The following PCDHGA6 variants were observed in gnomAD, a reference collection of about 807,000 sequenced individuals.
PCDHGA6 encodes the protein protocadherin gamma subfamily A, 6.
PCDHGA6 carries 41 observed loss-of-function variants against 60.6 expected under a neutral mutation model. That is an observed-to-expected ratio of 0.68 (90% CI 0.53 to 0.88). The LOEUF is 0.88. PCDHGA6 is among the 40% of genes least tolerant of loss of function. The pLI is 0.00. For missense variants in PCDHGA6, 1,312 were observed against 1,203.0 expected (o/e 1.09, Z -1.34); for synonymous variants, 594 against 524.4 (o/e 1.13, Z -1.81).
rs746311453 is a variant in PCDHGA6 at position 141,428,229 on chromosome 5, C to T, written c.2424+51722C>T. On this transcript the variant is annotated intron_variant, in intron 1 of 3. Coordinates refer to ENST00000517434, the MANE Select transcript of PCDHGA6 (RefSeq NM_018919.3). ...CGCTTCACCTAGTCTTCGCAGACAGCCTGCAGGAGGCACTGCCAGACTTCA... is the reference window on the plus strand; with the variant it reads ...CGCTTCACCTAGTCTTCGCAGACAGTCTGCAGGAGGCACTGCCAGACTTCA... 3 of 1,098,554 alleles carry T rather than the reference C, an allele frequency of 2.7e-6. No homozygotes were observed. In the South Asian group the frequency reaches 3.9e-5, roughly 14 times the overall value. The allele number at this position is 1,098,554 out of a possible 1,614,324, so 68.1% of individuals were successfully genotyped here.
Position 141,438,239 on chromosome 5 carries a change from A to C in PCDHGA6, c.2425-56568A>C, listed in dbSNP as rs550172792. Among the ~76,000 whole-genome samples, 9 of 152,298 alleles carry C rather than the reference A, an allele frequency of 5.9e-5. No homozygotes were observed. In the East Asian group the frequency reaches 1.7e-3, roughly 29 times the overall value. On this transcript the variant is annotated intron_variant, in intron 1 of 3. Transcript: ENST00000517434. ...GCTCTGGTTCAGGAAAATGTTTTTA[A>C]AAAACTGTCATTGAAGAGACCATAG...
intron 1 of PCDHGA6, chr5:141,417,931 G>T (rs551432799): frequency 6.8e-6 from 11 of 1,611,382 alleles, no homozygotes; most frequent in Middle Eastern, 1.6e-4. Flanking sequence ...TGCTGCCTTT[G>T]TTCTACCCCA....
In PCDHGA6 at chr5:141,486,866, G is replaced by A; in HGVS notation, c.2425-7941G>A. Reference sequence around the variant, plus strand: ...GGACCTCAATGACAATGCTCCAGCTGTGCTCCGTCCTCGGGCCCGGCCTGG... The same window carrying A: ...GGACCTCAATGACAATGCTCCAGCTATGCTCCGTCCTCGGGCCCGGCCTGG... On this transcript the variant is annotated intron_variant, in intron 1 of 3. Transcript: ENST00000517434. The surrounding 1 kb of genome is among the most constrained non-coding windows in gnomAD (Gnocchi z 5.0). 6.2e-7 allele frequency: 1 copy of A among 1,614,202 alleles called. No homozygotes were observed. The highest frequency in any genetic ancestry group is 8.5e-7 in the Non-Finnish European group (1 of 1,180,038).
At chr5:141,399,732 G>C (rs1270192367) in intron 1 of PCDHGA6, 27 of 1,613,174 alleles carry the variant, frequency 1.7e-5, no homozygotes, top group Non-Finnish European at 2.0e-5. Context: ...ACCAGGGCTC[G>C]CCTGCGCTCA....
chr5:141,388,712 G>A, intron 1 of PCDHGA6: 1 of 1,613,986 alleles, frequency 6.2e-7, no homozygotes. Flanking sequence ...TCAATGCCGA[G>A]ATTACTTTCT....
chr5:141,375,812 C>G lies in PCDHGA6; in HGVS notation c.1729C>G (p.Leu577Val). The part of the protein sequence containing the change: ...LPTDGSTGVE[L>V]APRSAEPGYL... Reference sequence around the variant, plus strand: ...CACAGACGGTTCCACTGGCGTGGAGCTGGCGCCCCGCTCCGCAGAGCCCGG... The same window carrying G: ...CACAGACGGTTCCACTGGCGTGGAGGTGGCGCCCCGCTCCGCAGAGCCCGG... Residue 577 changes from leucine to valine, a missense_variant, in exon 1 of 4, where the codon CTG (leucine) becomes GTG (valine). Transcript: ENST00000517434. 1 of 1,614,208 alleles carries G rather than the reference C, an allele frequency of 6.2e-7. No homozygotes were observed. The highest frequency in any genetic ancestry group is 8.5e-7 in the Non-Finnish European group (1 of 1,180,046).
chr5:141,422,908 C>G, intron 1 of PCDHGA6: 1 of 1,614,244 alleles, frequency 6.2e-7, no homozygotes, highest in Non-Finnish European at 8.5e-7. Flanking sequence ...CGACAATGCG[C>G]CCGAGATCCT....
intron 2 of PCDHGA6, among the ~76,000 whole-genome samples, chr5:141,498,573 A>G (rs7725519): frequency 0.52 from 78,890 of 151,684 alleles, 21,175 homozygotes; most frequent in African/African-American, 0.65. Flanking sequence ...CAGGGCTAGT[A>G]TTGAGTTCTT....
intron 1 of PCDHGA6, among the ~76,000 whole-genome samples, chr5:141,473,759 C>G (rs989399714): frequency 3.3e-5 from 5 of 152,158 alleles, no homozygotes; most frequent in African/African-American, 1.2e-4. Flanking sequence ...GGATACTATG[C>G]AAAGGATTTG....
chr5:141,416,441 T>C (rs2096024396), intron 1 of PCDHGA6: 1 of 152,162 alleles, frequency 6.6e-6, no homozygotes, highest in Non-Finnish European at 1.5e-5. Flanking sequence ...TGAAAGTAAA[T>C]ATGGGTTGGG....
intron 2 of PCDHGA6, among the ~76,000 whole-genome samples, chr5:141,502,107 C>T (rs1292131951): frequency 6.6e-6 from 1 of 152,192 alleles, no homozygotes; most frequent in East Asian, 1.9e-4. Context: ...TGACCCTGCA[C>T]CCTCAGCCAG....
intron 1 of PCDHGA6, chr5:141,409,594 C>A: frequency 1.2e-6 from 2 of 1,613,900 alleles, no homozygotes; most frequent in Non-Finnish European, 1.7e-6. Flanking sequence ...TGGCCGAGAA[C>A]AACCCGCCAG....
chr5:141,432,196 C>G lies in PCDHGA6; in HGVS notation c.2424+55689C>G, dbSNP rs200790843. ...TCGTCTCTGTGACCGCCCACGACCC[C>G]GACTGTGAAGAGAACGCCCAGATCA... On this transcript the variant is annotated intron_variant, in intron 1 of 3. Transcript: ENST00000517434. The surrounding 1 kb of genome is among the most constrained non-coding windows in gnomAD (Gnocchi z 6.0). The G allele has an allele frequency of 6.2e-7, 1 of 1,614,192 alleles. No individual in the cohort carries two copies. Among genetic ancestry groups the G allele is most frequent in the East Asian group, 2.2e-5 (1 of 44,880 alleles).
intron 1 of PCDHGA6, among the ~76,000 whole-genome samples, chr5:141,433,641 G>A (rs1177387884): frequency 6.6e-6 from 1 of 152,104 alleles, no homozygotes; most frequent in Non-Finnish European, 1.5e-5. Flanking sequence ...TTTGAGACCA[G>A]CCTGACCAAC....
chr5:141,408,380 G>T, intron 1 of PCDHGA6: 1 of 1,614,028 alleles, frequency 6.2e-7, no homozygotes, highest in East Asian at 2.2e-5. Context: ...CAGTGTCCTG[G>T]ATGTGTCGGC....
rs561908431 is a variant in PCDHGA6, at chr5:141,510,639, TATC to T, written c.2573-304_2573-302del. Among the ~76,000 whole-genome samples the T allele has an allele frequency of 8.5e-3, 1,289 of 152,298 alleles. 6 individuals carry two copies. Among genetic ancestry groups the T allele is most frequent in the Middle Eastern group, 0.058 (17 of 294 alleles). On this transcript the variant is annotated intron_variant, in intron 3 of 3. Transcript: ENST00000517434. ...TAAAACCAGAAGAGGTGGTTACCAT[TATC>T]ATCCCCATTTTGCAGATGAGAAAAC...
chr5:141,381,826 C>CTTCTTT (rs1777532522), intron 1 of PCDHGA6, among the ~76,000 whole-genome samples: 105 of 74,288 alleles, frequency 1.4e-3, no homozygotes, highest in Non-Finnish European at 1.6e-3. Flanking sequence ...CTTTCTTCTT[C>CTTCTTT]TTTTTTTTTT....
intron 1 of PCDHGA6, among the ~76,000 whole-genome samples, chr5:141,458,081 G>GTTT (rs1259527184): frequency 6.6e-6 from 1 of 152,186 alleles, no homozygotes; most frequent in Non-Finnish European, 1.5e-5. Flanking sequence ...CTATATTGCC[G>GTTT]TAAGTTAAGA....
intron 1 of PCDHGA6, among the ~76,000 whole-genome samples, chr5:141,482,354 G>C (rs1461472845): frequency 6.6e-6 from 1 of 152,096 alleles, no homozygotes; most frequent in Non-Finnish European, 1.5e-5. Context: ...CTTGTTGTGA[G>C]AGTGAAAAGT....
Sources: allele counts gnomAD v4.1 joint callset (sites outside exome capture counted in the v4.1 genomes callset), GRCh38; gene constraint gnomAD v4.1.1; non-coding constraint Gnocchi (gnomAD v3.1); transcripts MANE v1.5; gene names NCBI Gene and HGNC (gene_info 2026-07-23, HGNC 2026-07-21).